Variants in TAFA2 observed in about 807,000 individuals in gnomAD.
The protein encoded by TAFA2 is chemokine-like protein TAFA-2.
A neutral mutation model predicts 18.8 loss-of-function variants in TAFA2; 7 were observed. The observed-to-expected ratio is 0.37, with a 90% CI of 0.21 to 0.70. The LOEUF (loss-of-function observed/expected upper bound fraction) is 0.70, where lower values mean the gene tolerates loss of function less well. Among genes scored for constraint, TAFA2 ranks in the 30% least tolerant of loss-of-function variants. TAFA2 has a pLI of 0.53. For missense variants in TAFA2, 122 were observed against 158.1 expected, an observed-to-expected ratio of 0.77 and a Z score of 1.23; for synonymous variants, 60 against 54.2, an observed-to-expected ratio of 1.11 and a Z score of -0.47.
At chr12:61,808,900 T>C (rs1247227150) in intron 2 of TAFA2, among the ~76,000 whole-genome samples, 1 of 151,602 alleles carries the variant, frequency 6.6e-6, no homozygotes, top group Non-Finnish European at 1.5e-5. Context: ...ATCTAAATTG[T>C]ATTATTAAAT....
chr12:61,731,060 G>A (rs1043235509), intron 4 of TAFA2, among the ~76,000 whole-genome samples: 3 of 152,116 alleles, frequency 2.0e-5, no homozygotes, highest in African/African-American at 7.2e-5. Context: ...ACCCCTGTGA[G>A]ATAAAGTCAG....
At chr12:62,033,084 A>G (rs1317216846) in intron 1 of TAFA2, among the ~76,000 whole-genome samples, 2 of 152,178 alleles carry the variant, frequency 1.3e-5, no homozygotes, top group South Asian at 4.1e-4. Context: ...ATGTCAGACT[A>G]GCACCTGGGA....
intron 4 of TAFA2, among the ~76,000 whole-genome samples, chr12:61,739,820 G>A (rs1367331774): frequency 6.6e-6 from 1 of 151,976 alleles, no homozygotes; most frequent in African/African-American, 2.4e-5. Flanking sequence ...AATTGAAGTT[G>A]GGGGTTGAGA....
chr12:62,172,159 A>T (rs551470704), intron 1 of TAFA2, among the ~76,000 whole-genome samples: 1 of 152,320 alleles, frequency 6.6e-6, no homozygotes, highest in South Asian at 2.1e-4. Context: ...TTTCAGACAA[A>T]TTTAATATTC....
intron 1 of TAFA2, among the ~76,000 whole-genome samples, chr12:62,184,414 C>T (rs1185897759): frequency 2.0e-5 from 3 of 151,290 alleles, no homozygotes; most frequent in African/African-American, 7.3e-5. Flanking sequence ...AAAAGGGAAG[C>T]TCCTTAAGGT....
chr12:62,223,900 T>C (rs556162185), intron 1 of TAFA2, among the ~76,000 whole-genome samples: 6 of 152,142 alleles, frequency 3.9e-5, no homozygotes, highest in African/African-American at 1.4e-4. Flanking sequence ...AAAAGAAACA[T>C]ATAATTACCA....
chr12:62,110,306 C>T (rs2136864466), intron 1 of TAFA2, among the ~76,000 whole-genome samples: 1 of 152,206 alleles, frequency 6.6e-6, no homozygotes, highest in Admixed American at 6.5e-5. Context: ...GTTGAACCAG[C>T]CTTGCATCCC....
chr12:61,804,510 A>T (rs1277958693), intron 2 of TAFA2, among the ~76,000 whole-genome samples: 2 of 152,028 alleles, frequency 1.3e-5, no homozygotes. Flanking sequence ...GTGCTAATGC[A>T]CCCAGGAAAT....
intron 1 of TAFA2, among the ~76,000 whole-genome samples, chr12:61,955,954 C>T (rs945235703): frequency 6.6e-6 from 1 of 151,836 alleles, no homozygotes; most frequent in South Asian, 2.1e-4. Context: ...ATGGTATGTA[C>T]AAATTTTAAA....
At chr12:62,121,077 C>G (rs1870175686) in intron 1 of TAFA2, among the ~76,000 whole-genome samples, 1 of 152,004 alleles carries the variant, frequency 6.6e-6, no homozygotes, top group Non-Finnish European at 1.5e-5. Context: ...TGGTCTCAAA[C>G]TCCTGACCTC....
intron 1 of TAFA2, among the ~76,000 whole-genome samples, chr12:61,888,927 A>G (rs757442983): frequency 6.6e-6 from 1 of 152,198 alleles, no homozygotes; most frequent in Non-Finnish European, 1.5e-5. Context: ...GTTATTTTCA[A>G]CAAAAGCTTT....
chr12:62,039,288 A>G (rs1359433129), intron 1 of TAFA2, among the ~76,000 whole-genome samples: 1 of 152,216 alleles, frequency 6.6e-6, no homozygotes, highest in Non-Finnish European at 1.5e-5. Context: ...CTGTCCAAAA[A>G]TAACAAATGT....
At chr12:61,725,371 A>T (rs894293181) in intron 4 of TAFA2, among the ~76,000 whole-genome samples, 1 of 151,936 alleles carries the variant, frequency 6.6e-6, no homozygotes, top group Non-Finnish European at 1.5e-5. Context: ...GCTGGTGTCT[A>T]TAAGAGTTTT....
chr12:61,919,736 T>C (rs1876975161), intron 1 of TAFA2, among the ~76,000 whole-genome samples: 1 of 151,888 alleles, frequency 6.6e-6, no homozygotes, highest in Non-Finnish European at 1.5e-5. Flanking sequence ...ATTGTATCAC[T>C]GTATTTTTAG....
chr12:62,090,878 T>C (rs1868682985), intron 1 of TAFA2, among the ~76,000 whole-genome samples: 1 of 151,960 alleles, frequency 6.6e-6, no homozygotes, highest in South Asian at 2.1e-4. Flanking sequence ...ATAACTAGTT[T>C]GGGCCAAAAT....
At chr12:61,916,102 A>T (rs1876811135) in intron 1 of TAFA2, among the ~76,000 whole-genome samples, 1 of 152,210 alleles carries the variant, frequency 6.6e-6, no homozygotes, top group Admixed American at 6.5e-5. Context: ...AAGAAATGTC[A>T]TGAAGCCCTT....
chr12:61,856,705 G>C (rs574661727), intron 2 of TAFA2, among the ~76,000 whole-genome samples: 1 of 151,816 alleles, frequency 6.6e-6, no homozygotes, highest in Non-Finnish European at 1.5e-5. Flanking sequence ...AATTAAAAGT[G>C]TCATTGTCAA....
intron 4 of TAFA2, among the ~76,000 whole-genome samples, chr12:61,712,890 T>G (rs1009732362): frequency 2.6e-5 from 4 of 152,146 alleles, no homozygotes; most frequent in African/African-American, 9.7e-5. Flanking sequence ...TAGGCCAGAA[T>G]GGCAGTATTG....
chr12:61,771,539 C>T (rs1207049921), intron 2 of TAFA2, among the ~76,000 whole-genome samples: 1 of 151,882 alleles, frequency 6.6e-6, no homozygotes, highest in Non-Finnish European at 1.5e-5. Flanking sequence ...CTCTCTCTGA[C>T]CACAGTGAAA....
Sources: gnomAD v4.1 joint callset for allele counts (sites outside exome capture counted in the v4.1 genomes callset) on GRCh38, gnomAD v4.1.1 for gene constraint, MANE v1.5 for transcripts, NCBI Gene and HGNC (gene_info 2026-07-23, HGNC 2026-07-21) for gene names.